The following SNX32 variants were observed in gnomAD, a reference collection of about 807,000 sequenced individuals.
SNX32 encodes the protein sorting nexin 32.
A neutral mutation model predicts 57.0 loss-of-function variants in SNX32; 58 were observed. The ratio of observed to expected loss-of-function variants is 1.02; its 90% CI spans 0.82 to 1.27. SNX32 has a LOEUF of 1.27. SNX32 is among the 50% of genes most tolerant of loss of function. The pLI, the probability that SNX32 is intolerant of heterozygous loss-of-function variation, is 0.00. For synonymous variants in SNX32, 262 were observed against 220.4 expected (o/e 1.19, Z -1.67); for missense variants, 589 against 541.2 (o/e 1.09, Z -0.88).
At chr11:65,852,392 T>G in intron 9 of SNX32, 73 bp from the exon 10 acceptor site, 1 of 1,298,408 alleles carries the variant, frequency 7.7e-7, no homozygotes, top group South Asian at 1.2e-5. Flanking sequence ...GATATTTAGA[T>G]GAAGAGGTGC....
At chr11:65,848,569 C>G (rs1859065773) in intron 1 of SNX32, among the ~76,000 whole-genome samples, 1 of 151,990 alleles carries the variant, frequency 6.6e-6, no homozygotes, top group African/African-American at 2.4e-5. Context: ...GACCCTGTCT[C>G]AAAAATAAAT....
intron 1 of SNX32, among the ~76,000 whole-genome samples, chr11:65,839,225 A>ATTTTTTTGTATTT (rs1858759231): frequency 3.6e-5 from 1 of 27,622 alleles, no homozygotes; most frequent in African/African-American, 1.5e-4. Context: ...ATTTTTTTGT[A>ATTTTTTTGTATTT]TTTTTTTTTT....
At chr11:65,847,204 G>A (rs1265772641) in intron 1 of SNX32, among the ~76,000 whole-genome samples, 1 of 151,964 alleles carries the variant, frequency 6.6e-6, no homozygotes, top group African/African-American at 2.4e-5. Flanking sequence ...GATGGGGGTC[G>A]AAGGGTGTCT....
At position 65,850,294 on chromosome 11, in the gene SNX32, G is replaced by A. The variant is rs1190176147; in HGVS notation, c.374+23G>A. ...AGCGTGAGTGCCCCCTCCTTTCCCT[G>A]CCATCCCCAGAGTCCAGATGTCTTC... On this transcript the variant is annotated intron_variant, in intron 4 of 12. Transcript: ENST00000308342. 1.9e-6 allele frequency: 3 copies of A among 1,613,956 alleles called. No homozygotes were observed. The African/African-American group carries it at 4.0e-5, about 22-fold the overall frequency.
At chr11:65,851,734 T>A (rs1859205083) in intron 9 of SNX32, 55 bp downstream of exon 9, 2 of 1,586,828 alleles carry the variant, frequency 1.3e-6, no homozygotes, top group East Asian at 2.2e-5. Flanking sequence ...GCAGGGAAGA[T>A]GAGTCCTGGC....
Position 65,850,970 on chromosome 11 carries a change from AAGG to A in SNX32, c.604-82_604-80del, listed in dbSNP as rs58825009. 8,163 of 1,509,016 alleles carry A rather than the reference AAGG, an allele frequency of 5.4e-3. 360 individuals carry two copies. In the African/African-American group the frequency reaches 0.097, roughly 18 times the overall value. The allele number at this position is 1,509,016 out of a possible 1,614,324, so 93.5% of individuals were successfully genotyped here. ...ACTGGTGGGGCCTGGCCTGGTTTGG[AAGG>A]AGATTTTGCCAACCCTGGGTGCCTG... On this transcript the variant is annotated intron_variant, in intron 6 of 12. Transcript: ENST00000308342.
chr11:65,844,536 G>T (rs1390664127), intron 1 of SNX32, among the ~76,000 whole-genome samples: 2 of 152,120 alleles, frequency 1.3e-5, no homozygotes, highest in African/African-American at 4.8e-5. Context: ...ACACAGTGCT[G>T]CTGGGAGTGT....
chr11:65,833,986 G>T lies in SNX32; in HGVS notation c.-80G>T. The T allele has an allele frequency of 4.0e-6, 6 of 1,488,300 alleles. No homozygotes were observed. The highest frequency in any genetic ancestry group is 5.5e-6 in the Non-Finnish European group (6 of 1,096,132). The allele number at this position is 1,488,300 out of a possible 1,614,324, so 92.2% of individuals were successfully genotyped here. A position where few individuals can be genotyped will look rare whatever the true frequency, so the allele number is the denominator to read the frequency against. ...CCGTCAGCTGAGAGCATCCTCACTC[G>T]GTCAGTTCCTCGGGCGAGTTACGGG... On this transcript the variant is annotated 5_prime_UTR_variant, in exon 1 of 13. Coordinates refer to ENST00000308342, the MANE Select transcript of SNX32 (RefSeq NM_152760.3).
chr11:65,846,449 C>T (rs1858998058), intron 1 of SNX32, among the ~76,000 whole-genome samples: 1 of 150,992 alleles, frequency 6.6e-6, no homozygotes, highest in African/African-American at 2.4e-5. Flanking sequence ...GACTGTAATC[C>T]CAGCTACTCG....
intron 1 of SNX32, among the ~76,000 whole-genome samples, chr11:65,848,952 G>C (rs1284187931): frequency 6.6e-6 from 1 of 152,104 alleles, no homozygotes; most frequent in African/African-American, 2.4e-5. Flanking sequence ...AGACCAGCCT[G>C]ACCAAACATA....
chr11:65,841,136 G>C, intron 1 of SNX32, among the ~76,000 whole-genome samples: 1 of 151,412 alleles, frequency 6.6e-6, no homozygotes, highest in Non-Finnish European at 1.5e-5. Context: ...GCAGAGACGG[G>C]GTTTTACCAT....
intron 1 of SNX32, among the ~76,000 whole-genome samples, chr11:65,835,056 TGTGTGTCTGTGTGTGC>T (rs902729664): frequency 6.6e-6 from 1 of 151,004 alleles, no homozygotes; most frequent in African/African-American, 2.4e-5. Context: ...TGTGTTTCTA[TGTGTGTCTGTGTGTGC>T]GTGTGTCTGT....
At chr11:65,847,259 T>G (rs1859027738) in intron 1 of SNX32, among the ~76,000 whole-genome samples, 1 of 151,946 alleles carries the variant, frequency 6.6e-6, no homozygotes, top group Admixed American at 6.6e-5. Flanking sequence ...GCTCAAGCAA[T>G]TCTCCTGCCT....
intron 7 of SNX32, 63 bp downstream of exon 7, chr11:65,851,223 G>C (rs552328279): frequency 6.2e-7 from 1 of 1,600,210 alleles, no homozygotes; most frequent in African/African-American, 1.3e-5. Flanking sequence ...CAACTCCTTG[G>C]GGGAGAGAAG....
intron 5 of SNX32, 56 bp from the exon 6 acceptor site, chr11:65,850,695 T>C (rs2134699464): frequency 6.3e-7 from 1 of 1,590,632 alleles, no homozygotes; most frequent in Non-Finnish European, 8.6e-7. Context: ...GCTTGCAACT[T>C]GGGGTGGGAG....
chr11:65,842,793 T>G (rs537815447), intron 1 of SNX32, among the ~76,000 whole-genome samples: 35 of 146,102 alleles, frequency 2.4e-4, no homozygotes, highest in Middle Eastern at 3.6e-3. Flanking sequence ...CTACTAAAAA[T>G]ACAAAAATGA....
chr11:65,836,024 A>T (rs773470858), intron 1 of SNX32, among the ~76,000 whole-genome samples: 2 of 152,088 alleles, frequency 1.3e-5, no homozygotes, highest in Non-Finnish European at 2.9e-5. Flanking sequence ...GTTAGCTATT[A>T]TATTATTATT....
rs200213689 is a variant in SNX32 at position 65,834,349 on chromosome 11, CTGTG to C, written c.36+252_36+255del. Among the ~76,000 whole-genome samples the C allele has an allele frequency of 6.0e-4, 90 of 149,862 alleles. No homozygotes were observed. In the East Asian group the frequency reaches 7.3e-3, roughly 12 times the overall value. ...TGTCTGTATTTGTGTCTCTGTGTGT[CTGTG>C]TGTCTGTGTGTGTCTCAGTGTGTGT... On this transcript the variant is annotated intron_variant, in intron 1 of 12. Coordinates refer to ENST00000308342, the MANE Select transcript of SNX32 (RefSeq NM_152760.3).
At chr11:65,851,265 G>A (rs898313364) in intron 7 of SNX32, 63 bp from the exon 8 acceptor site, 2 of 1,604,112 alleles carry the variant, frequency 1.2e-6, no homozygotes, top group African/African-American at 2.7e-5. Context: ...TTTGTCTGTG[G>A]CCACAAGCAC....
Sources: allele counts gnomAD v4.1 joint callset (sites outside exome capture counted in the v4.1 genomes callset), GRCh38; gene constraint gnomAD v4.1.1; transcripts MANE v1.5; gene names NCBI Gene and HGNC (gene_info 2026-07-23, HGNC 2026-07-21).